CHCHD6: variants seen among roughly 807,000 people sequenced by gnomAD.
The protein encoded by CHCHD6 is MICOS complex subunit MIC25.
In CHCHD6, 28 loss-of-function variants were observed where a neutral mutation model predicts 32.3. The observed-to-expected ratio is 0.87, with a 90% CI of 0.64 to 1.19. The LOEUF (loss-of-function observed/expected upper bound fraction) is 1.19, where lower values mean the gene tolerates loss of function less well. Among genes scored for constraint, CHCHD6 ranks in the 50% most tolerant of loss-of-function variants. The probability of loss-of-function intolerance (pLI) is 0.00; values close to 1 mark genes in which losing one functional copy is unlikely to be tolerated. For missense variants in CHCHD6, 333 were observed against 307.0 expected, an observed-to-expected ratio of 1.08 and a Z score of -0.63; for synonymous variants, 122 against 117.5, an observed-to-expected ratio of 1.04 and a Z score of -0.25.
intron 5 of CHCHD6, among the ~76,000 whole-genome samples, chr3:126,886,053 A>G (rs1451785031): frequency 6.6e-6 from 1 of 152,204 alleles, no homozygotes; most frequent in Non-Finnish European, 1.5e-5. Flanking sequence ...GAATGATGAG[A>G]GTCACAGATA....
At chr3:126,952,657 G>A (rs1186118648) in intron 6 of CHCHD6, among the ~76,000 whole-genome samples, 1 of 152,242 alleles carries the variant, frequency 6.6e-6, no homozygotes, top group Non-Finnish European at 1.5e-5. Flanking sequence ...AGAAGCTGCT[G>A]TGGCCTGGGA....
At chr3:126,762,376 C>A (rs1314838084) in intron 4 of CHCHD6, among the ~76,000 whole-genome samples, 1 of 152,034 alleles carries the variant, frequency 6.6e-6, no homozygotes, top group African/African-American at 2.4e-5. Context: ...TCCTAATTTC[C>A]TTTTCTGTTT....
At chr3:126,856,813 G>A (rs1233714585) in intron 5 of CHCHD6, among the ~76,000 whole-genome samples, 2 of 152,162 alleles carry the variant, frequency 1.3e-5, no homozygotes, top group African/African-American at 4.8e-5. Flanking sequence ...TGGTAGGGAT[G>A]AGTAGGCTTT....
chr3:126,895,422 G>A (rs1350963457), intron 5 of CHCHD6, among the ~76,000 whole-genome samples: 1 of 152,162 alleles, frequency 6.6e-6, no homozygotes, highest in East Asian at 1.9e-4. Flanking sequence ...ATCATTCTGG[G>A]CTATTTGCAG....
At position 126,733,108 on chromosome 3, in the gene CHCHD6, T is replaced by TCC; in HGVS notation, c.297_298insCC (p.Lys100ProfsTer50). On this transcript the variant is annotated frameshift_variant, in exon 4 of 8. Transcript: ENST00000290913. LOFTEE classifies it high-confidence loss of function. Reference sequence around the variant, plus strand: ...AACAGGAGCATGCTGCTATCCAGGATAAGCTCTTCCAGGTGGCAAAGAGGG... The same window carrying TCC: ...AACAGGAGCATGCTGCTATCCAGGATCCAAGCTCTTCCAGGTGGCAAAGAGGG... 6.2e-7 allele frequency: 1 copy of TCC among 1,614,212 alleles called. No individual in the cohort carries two copies. Among genetic ancestry groups the TCC allele is most frequent in the Non-Finnish European group, 8.5e-7 (1 of 1,180,030 alleles).
At chr3:126,945,114 T>G (rs1009675132) in intron 6 of CHCHD6, among the ~76,000 whole-genome samples, 2 of 152,122 alleles carry the variant, frequency 1.3e-5, no homozygotes, top group Non-Finnish European at 2.9e-5. Context: ...TGGAAAAGGC[T>G]GGGGAGAAGA....
chr3:126,729,383 C>G (rs559108612), intron 2 of CHCHD6, among the ~76,000 whole-genome samples: 1 of 152,142 alleles, frequency 6.6e-6, no homozygotes, highest in Non-Finnish European at 1.5e-5. Context: ...TCCAAGGGAG[C>G]GGGGAGCGGG....
At chr3:126,764,196 CATGCAT>C (rs1166491998) in intron 4 of CHCHD6, among the ~76,000 whole-genome samples, 2 of 110,070 alleles carry the variant, frequency 1.8e-5, no homozygotes, top group African/African-American at 7.4e-5. Context: ...TACATACATA[CATGCAT>C]ATATATATAT....
intron 6 of CHCHD6, among the ~76,000 whole-genome samples, chr3:126,917,198 TA>T (rs1264376000): frequency 1.3e-5 from 2 of 152,262 alleles, no homozygotes; most frequent in Non-Finnish European, 2.9e-5. Flanking sequence ...CACTATTTAC[TA>T]AGCAATAAGT....
chr3:126,904,564 G>A (rs1456631320), intron 5 of CHCHD6, among the ~76,000 whole-genome samples: 1 of 152,152 alleles, frequency 6.6e-6, no homozygotes, highest in African/African-American at 2.4e-5. Context: ...GTGTGTGTAT[G>A]TATACATATA....
intron 5 of CHCHD6, among the ~76,000 whole-genome samples, chr3:126,872,813 C>T (rs1246167965): frequency 1.3e-5 from 2 of 152,226 alleles, no homozygotes; most frequent in Admixed American, 1.3e-4. Context: ...GAGGACCCTG[C>T]CCTGCTGCTC....
intron 4 of CHCHD6, among the ~76,000 whole-genome samples, chr3:126,804,840 A>G (rs1939280336): frequency 6.6e-6 from 1 of 152,202 alleles, no homozygotes; most frequent in Non-Finnish European, 1.5e-5. Context: ...CACATCAAAA[A>G]GCTTATCCAC....
At chr3:126,728,666 C>G (rs750158694) in intron 2 of CHCHD6, among the ~76,000 whole-genome samples, 84 of 152,216 alleles carry the variant, frequency 5.5e-4, no homozygotes, top group Admixed American at 1.8e-3. Context: ...TGGATTAACT[C>G]GAAAGAGGGA....
At chr3:126,937,405 G>A (rs1425399017) in intron 6 of CHCHD6, among the ~76,000 whole-genome samples, 1 of 152,134 alleles carries the variant, frequency 6.6e-6, no homozygotes, top group Non-Finnish European at 1.5e-5. Context: ...AGCGTTGGGA[G>A]CTGAGCCTGG....
intron 4 of CHCHD6, among the ~76,000 whole-genome samples, chr3:126,837,306 G>A (rs1471380000): frequency 6.6e-6 from 1 of 152,106 alleles, no homozygotes; most frequent in Non-Finnish European, 1.5e-5. Flanking sequence ...GGCTCACCCT[G>A]TAATTCTAGC....
intron 4 of CHCHD6, among the ~76,000 whole-genome samples, chr3:126,831,505 A>G (rs917015556): frequency 6.6e-6 from 1 of 152,112 alleles, no homozygotes; most frequent in Non-Finnish European, 1.5e-5. Context: ...TGTTTCATCT[A>G]TCTCAGTGCC....
At chr3:126,934,536 CTTTTTTTTTTTTTTTT>C (rs386397861) in intron 6 of CHCHD6, among the ~76,000 whole-genome samples, 7 of 58,244 alleles carry the variant, frequency 1.2e-4, no homozygotes, top group Admixed American at 4.9e-4. Context: ...CCCCTCTCTG[CTTTTTTTTTTTTTTTT>C]TTTTTTTTTT....
chr3:126,848,111 C>T (rs563634396), intron 4 of CHCHD6, among the ~76,000 whole-genome samples: 8 of 152,288 alleles, frequency 5.3e-5, no homozygotes, highest in East Asian at 1.9e-4. Context: ...TCTCAAGTAG[C>T]GGGCATGTGC....
rs145187573 is a variant in CHCHD6, at chr3:126,745,026, G to A, written c.411+11804G>A. On this transcript the variant is annotated intron_variant, in intron 4 of 7. Coordinates refer to ENST00000290913, the MANE Select transcript of CHCHD6 (RefSeq NM_032343.3). Reference sequence around the variant, plus strand: ...GGAAGAAGGAAGGGCTGAGAGCCTTGTTCTAGTGAAGTTTTATTATTTTAT... The same window carrying A: ...GGAAGAAGGAAGGGCTGAGAGCCTTATTCTAGTGAAGTTTTATTATTTTAT... Among the ~76,000 whole-genome samples the A allele has an allele frequency of 7.7e-3, 1,180 of 152,260 alleles. 4 individuals carry two copies. The highest frequency in any genetic ancestry group is 0.014 in the Non-Finnish European group (920 of 68,038).
Sources: allele counts gnomAD v4.1 joint callset (sites outside exome capture counted in the v4.1 genomes callset), GRCh38; gene constraint gnomAD v4.1.1; transcripts MANE v1.5; gene names NCBI Gene and HGNC (gene_info 2026-07-23, HGNC 2026-07-21).